DNAH7: variants seen among roughly 807,000 people sequenced by gnomAD.
The protein encoded by DNAH7 is dynein axonemal heavy chain 7.
Under a neutral mutation model 444.6 loss-of-function variants are expected in DNAH7, and 397 were observed. The ratio of observed to expected loss-of-function variants is 0.89; its 90% CI spans 0.82 to 0.97. DNAH7 has a LOEUF of 0.97. Among genes scored for constraint, DNAH7 ranks in the 50% least tolerant of loss-of-function variants. The probability of loss-of-function intolerance (pLI) is 0.00; values close to 1 mark genes in which losing one functional copy is unlikely to be tolerated. For synonymous variants in DNAH7, 1,636 were observed against 1,624.4 expected (o/e 1.01, Z -0.17); for missense variants, 4,902 against 4,800.8 (o/e 1.02, Z -0.62).
chr2:195,799,649 T>A (rs1696353219), intron 54 of DNAH7, among the ~76,000 whole-genome samples, 177 bp from the exon 55 acceptor site: 1 of 152,266 alleles, frequency 6.6e-6, no homozygotes, highest in South Asian at 2.1e-4. Flanking sequence ...AGATAGGAAA[T>A]ATTATAAAAT....
chr2:195,755,991 T>C (rs1473489930), intron 62 of DNAH7, 142 bp downstream of exon 62: 19 of 776,448 alleles, frequency 2.4e-5, no homozygotes, highest in South Asian at 2.6e-5. Context: ...TTACATACAT[T>C]ATATGAAATA....
chr2:195,913,518 T>A (rs1468382591), intron 24 of DNAH7, among the ~76,000 whole-genome samples: 1 of 152,130 alleles, frequency 6.6e-6, no homozygotes, highest in Non-Finnish European at 1.5e-5. Context: ...TTGGAGAATA[T>A]AAAGCACAAA....
At chr2:196,045,660 T>C (rs1697074814) in intron 5 of DNAH7, among the ~76,000 whole-genome samples, 1 of 152,082 alleles carries the variant, frequency 6.6e-6, no homozygotes, top group African/African-American at 2.4e-5. Flanking sequence ...TCTTTGTGTG[T>C]TATTCAGAAG....
intron 64 of DNAH7, among the ~76,000 whole-genome samples, chr2:195,738,425 A>G (rs1285606220): frequency 6.7e-6 from 1 of 150,076 alleles, no homozygotes; most frequent in African/African-American, 2.4e-5. Flanking sequence ...AAAAAAAATC[A>G]GATACACTTT....
rs1014065727 is a variant in DNAH7, at chr2:196,048,424, T to C, written c.142-20A>G. On this transcript the variant is annotated intron_variant, in intron 3 of 64. Transcript: ENST00000312428. Reference sequence around the variant, plus strand: ...ACTCACCTAAAATACAAAATTTAAATAGCATTAACAAACAATATCAGAAAA... The same window carrying C: ...ACTCACCTAAAATACAAAATTTAAACAGCATTAACAAACAATATCAGAAAA... 6 of 1,599,330 alleles carry C rather than the reference T, an allele frequency of 3.8e-6. No homozygotes were observed. Among genetic ancestry groups the C allele is most frequent in the African/African-American group, 1.4e-5 (1 of 74,070 alleles).
chr2:195,748,021 A>G (rs1233959059), intron 63 of DNAH7, among the ~76,000 whole-genome samples: 6 of 152,226 alleles, frequency 3.9e-5, no homozygotes, highest in South Asian at 2.1e-4. Context: ...AGGGTATTCA[A>G]TTAGGATAAG....
intron 24 of DNAH7, among the ~76,000 whole-genome samples, chr2:195,917,232 G>A (rs1687744793): frequency 6.6e-6 from 1 of 151,396 alleles, no homozygotes; most frequent in Admixed American, 6.6e-5. Flanking sequence ...GATCTCAGGA[G>A]TTGGGCAAGT....
At chr2:195,983,753 C>T (rs1262416911) in intron 15 of DNAH7, among the ~76,000 whole-genome samples, 1 of 151,996 alleles carries the variant, frequency 6.6e-6, no homozygotes, top group South Asian at 2.1e-4. Context: ...AATTCTATGC[C>T]TAAATATAGC....
chr2:195,974,319 A>G (rs781130071), intron 15 of DNAH7, among the ~76,000 whole-genome samples: 5 of 152,240 alleles, frequency 3.3e-5, no homozygotes, highest in Admixed American at 6.5e-5. Context: ...TCAGCTATCT[A>G]TGTAGTCAAA....
At chr2:195,956,914 A>C (rs1228394234) in intron 19 of DNAH7, among the ~76,000 whole-genome samples, 1 of 152,122 alleles carries the variant, frequency 6.6e-6, no homozygotes, top group Non-Finnish European at 1.5e-5. Context: ...AGTGAGTTTC[A>C]GTGGGTTGCA....
At chr2:196,050,781 T>G (rs577343288) in intron 3 of DNAH7, among the ~76,000 whole-genome samples, 35 of 152,356 alleles carry the variant, frequency 2.3e-4, no homozygotes, top group African/African-American at 7.7e-4. Context: ...ATTTTTCTGC[T>G]GGAAGACCCA....
In DNAH7 at chr2:196,030,380, C is replaced by G. The variant is rs545860952; in HGVS notation, c.399-2333G>C. On this transcript the variant is annotated intron_variant, in intron 5 of 64. Transcript: ENST00000312428. ...AATTATGGGAGTACAATTCAAGATG[C>G]AGTTTAGGTGGAGGCACAGAGCCAA... 2.2e-4 allele frequency among the ~76,000 whole-genome samples: 34 copies of G among 152,284 alleles called. 1 individual carries two copies. Among genetic ancestry groups the G allele is most frequent in the African/African-American group, 7.9e-4 (33 of 41,568 alleles).
chr2:196,028,194 G>A (rs551983780), intron 5 of DNAH7, 147 bp from the exon 6 acceptor site: 97 of 614,474 alleles, frequency 1.6e-4, no homozygotes, highest in Middle Eastern at 1.2e-3. Context: ...ATACACATTT[G>A]TTTGGTGCTA....
rs1198333620 is a variant in DNAH7 at position 195,990,180 on chromosome 2, A to G, written c.1354-1951T>C. On this transcript the variant is annotated intron_variant, in intron 12 of 64. Transcript: ENST00000312428. Reference sequence around the variant, plus strand: ...CAATGTCATAAAGCATTTGCCCTATATTTTCTTCTAGCAGTTTCACAGTTT... The same window carrying G: ...CAATGTCATAAAGCATTTGCCCTATGTTTTCTTCTAGCAGTTTCACAGTTT... Among the ~76,000 whole-genome samples, 4 of 152,188 alleles carry G rather than the reference A, an allele frequency of 2.6e-5. No homozygotes were observed. The East Asian group carries it at 7.7e-4, about 29-fold the overall frequency.
At chr2:195,939,761 G>A (rs747396688) in intron 19 of DNAH7, among the ~76,000 whole-genome samples, 40 of 152,158 alleles carry the variant, frequency 2.6e-4, no homozygotes, top group Non-Finnish European at 5.1e-4. Context: ...TAAACCAAAT[G>A]AATGTGATAT....
intron 3 of DNAH7, among the ~76,000 whole-genome samples, chr2:196,050,620 A>G (rs971838018): frequency 6.6e-6 from 1 of 152,228 alleles, no homozygotes; most frequent in Non-Finnish European, 1.5e-5. Flanking sequence ...TAATTACTAG[A>G]CAATAAATTT....
intron 38 of DNAH7, among the ~76,000 whole-genome samples, 190 bp downstream of exon 38, chr2:195,875,485 A>C (rs1457538556): frequency 6.6e-6 from 1 of 152,208 alleles, no homozygotes; most frequent in East Asian, 1.9e-4. Flanking sequence ...TGGTGGGTGC[A>C]TAGCCCATCC....
chr2:195,781,547 T>C (rs941018733), intron 58 of DNAH7, among the ~76,000 whole-genome samples: 8 of 148,756 alleles, frequency 5.4e-5, no homozygotes, highest in African/African-American at 2.1e-4. Flanking sequence ...ATTGCTTCCC[T>C]GTTCCTTGTT....
chr2:196,024,285 T>C, intron 8 of DNAH7, 144 bp downstream of exon 8: 1 of 480,736 alleles, frequency 2.1e-6, no homozygotes, highest in Non-Finnish European at 3.5e-6. Context: ...AGATGAGGCA[T>C]GCCTGTATAT....
Sources: allele counts gnomAD v4.1 joint callset (sites outside exome capture counted in the v4.1 genomes callset), GRCh38; gene constraint gnomAD v4.1.1; transcripts MANE v1.5; gene names NCBI Gene and HGNC (gene_info 2026-07-23, HGNC 2026-07-21).